AOPEP: variants seen among roughly 807,000 people sequenced by gnomAD.
AOPEP encodes the protein aminopeptidase O (putative).
AOPEP carries 77 observed loss-of-function variants against 98.1 expected under a neutral mutation model. The ratio of observed to expected loss-of-function variants is 0.78; its 90% CI spans 0.65 to 0.95. The LOEUF is 0.95. Ranked by LOEUF, AOPEP falls within the 40% of genes least tolerant of loss-of-function variation. AOPEP has a pLI of 0.00. For missense variants in AOPEP, 1,024 were observed against 1,024.7 expected (o/e 1.00, Z 0.01); for synonymous variants, 346 against 365.3 (o/e 0.95, Z 0.60).
intron 5 of AOPEP, among the ~76,000 whole-genome samples, chr9:94,833,917 A>G (rs2041233705): frequency 6.7e-6 from 1 of 149,958 alleles, no homozygotes; most frequent in South Asian, 2.1e-4. Flanking sequence ...TGCAACTCGT[A>G]AATCATTAAT....
In AOPEP at chr9:95,005,575, C is replaced by T; in HGVS notation, c.2074C>T (p.Arg692Ter). ...TKWIGVNRRP[R>*]KRKRREKEEV... ...ATGGATTGGAGTGAACCGGAGACCCCGAAAACGGAAGCGCAGGGAGAAGGA... is the reference window on the plus strand; with the variant it reads ...ATGGATTGGAGTGAACCGGAGACCCTGAAAACGGAAGCGCAGGGAGAAGGA... The change falls in exon 13 of 17, where the codon CGA becomes TGA. Residue 692 changes from arginine to a stop codon, truncating the protein, a stop_gained. Transcript: ENST00000375315. LOFTEE classifies it high-confidence loss of function. The T allele has an allele frequency of 6.2e-7, 1 of 1,613,902 alleles. No individual in the cohort carries two copies. Among genetic ancestry groups the T allele is most frequent in the Non-Finnish European group, 8.5e-7 (1 of 1,179,914 alleles).
At chr9:94,996,659 C>G (rs2132482688) in intron 11 of AOPEP, among the ~76,000 whole-genome samples, 1 of 152,272 alleles carries the variant, frequency 6.6e-6, no homozygotes, top group African/African-American at 2.4e-5. Flanking sequence ...GGGAAAGTAC[C>G]TAGACATGGT....
intron 4 of AOPEP, among the ~76,000 whole-genome samples, chr9:94,795,011 T>A (rs180959222): frequency 8.5e-5 from 13 of 152,346 alleles, no homozygotes; most frequent in African/African-American, 2.6e-4. Flanking sequence ...AGCCATTAGT[T>A]GTTCCAAGTC....
At position 94,956,006 on chromosome 9, in the gene AOPEP, T is replaced by C. The variant is rs2058427833; in HGVS notation, c.1863T>C (p.Ile621=). 18 of 1,608,426 alleles carry C rather than the reference T, an allele frequency of 1.1e-5. No homozygotes were observed. The highest frequency in any genetic ancestry group is 1.5e-5 in the Non-Finnish European group (18 of 1,175,290). The stretch of plus-strand genomic sequence containing the variant: ...TGCACACATTTCATGGACAGCTGAT[T>C]CTTTCCCAGGTAACTTATGGGTCCT... ...KFVHTFHGQL[I]LSQDFLQMLL... is the part of the protein sequence containing the mutation. The change falls in exon 9 of 17, where the codon ATT becomes ATC. Residue 621 remains isoleucine, a synonymous_variant. Transcript: ENST00000375315.
chr9:95,071,645 G>A (rs1190566102), intron 14 of AOPEP, among the ~76,000 whole-genome samples: 1 of 152,092 alleles, frequency 6.6e-6, no homozygotes, highest in Non-Finnish European at 1.5e-5. Context: ...TTTGGTGGTG[G>A]CACCGCAGCT....
intron 5 of AOPEP, among the ~76,000 whole-genome samples, chr9:94,877,354 G>A (rs1041605879): frequency 6.6e-5 from 10 of 151,712 alleles, no homozygotes; most frequent in African/African-American, 2.2e-4. Context: ...TTTTGGGTTC[G>A]TTTATAGCAT....
chr9:94,997,122 C>T (rs1321255468), intron 11 of AOPEP, among the ~76,000 whole-genome samples: 1 of 152,172 alleles, frequency 6.6e-6, no homozygotes, highest in African/African-American at 2.4e-5. Flanking sequence ...GCTAAGGACC[C>T]AGAACTGTAT....
intron 5 of AOPEP, among the ~76,000 whole-genome samples, chr9:94,849,105 T>A (rs751191405): frequency 5.9e-5 from 9 of 152,234 alleles, no homozygotes; most frequent in Non-Finnish European, 1.3e-4. Context: ...AGAGGCATCC[T>A]GAGTTCAGAA....
chr9:95,118,317 C>T, the AOPEP span, among the ~76,000 whole-genome samples: 1 of 152,262 alleles, frequency 6.6e-6, no homozygotes, highest in Admixed American at 6.5e-5. Flanking sequence ...CTGAGCCTGG[C>T]TCAGCATGGT....
the AOPEP span, chr9:95,101,613 A>G: frequency 1.3e-6 from 2 of 1,491,094 alleles, no homozygotes; most frequent in Non-Finnish European, 1.8e-6. Context: ...GAGGGCACTT[A>G]CTCCACAAAT....
the AOPEP span, among the ~76,000 whole-genome samples, chr9:95,124,338 G>C: frequency 2.0e-5 from 3 of 152,136 alleles, no homozygotes; most frequent in Non-Finnish European, 4.4e-5. Flanking sequence ...GTGGCCGTTA[G>C]AAATCAAGGC....
chr9:95,003,265 TA>T (rs2061687706), intron 11 of AOPEP, among the ~76,000 whole-genome samples: 1 of 152,246 alleles, frequency 6.6e-6, no homozygotes, highest in Non-Finnish European at 1.5e-5. Flanking sequence ...AGCTTTCATA[TA>T]AGTCTGTAAG....
At chr9:94,861,250 C>T (rs552680909) in intron 5 of AOPEP, among the ~76,000 whole-genome samples, 9 of 152,296 alleles carry the variant, frequency 5.9e-5, no homozygotes, top group Admixed American at 3.3e-4. Flanking sequence ...GCAGCAGCTG[C>T]TGTCACCAAA....
At chr9:95,084,074 TTA>T (rs2070266155) in intron 16 of AOPEP, among the ~76,000 whole-genome samples, 1 of 152,232 alleles carries the variant, frequency 6.6e-6, no homozygotes, top group Non-Finnish European at 1.5e-5. Flanking sequence ...CTTCAGTGTT[TTA>T]TATGATATTA....
chr9:94,734,860 G>A (rs1423639850), intron 1 of AOPEP, among the ~76,000 whole-genome samples: 2 of 152,198 alleles, frequency 1.3e-5, no homozygotes, highest in Non-Finnish European at 2.9e-5. Context: ...GCTGTTTCAA[G>A]TTGAAGGACG....
At chr9:95,080,105 G>A (rs967845582) in intron 14 of AOPEP, among the ~76,000 whole-genome samples, 2 of 152,176 alleles carry the variant, frequency 1.3e-5, no homozygotes, top group African/African-American at 2.4e-5. Flanking sequence ...TGAATTTCCC[G>A]TTATGCTTTG....
At chr9:95,023,512 C>T (rs1026297304) in intron 13 of AOPEP, among the ~76,000 whole-genome samples, 2 of 152,180 alleles carry the variant, frequency 1.3e-5, no homozygotes, top group African/African-American at 2.4e-5. Context: ...AGTTTCCAGT[C>T]GGCTCCTCCA....
chr9:95,041,987 C>T (rs116042342), intron 13 of AOPEP, among the ~76,000 whole-genome samples: 7 of 152,108 alleles, frequency 4.6e-5, no homozygotes, highest in African/African-American at 1.7e-4. Context: ...TAAAAGGAAA[C>T]TGATGAATTC....
chr9:94,829,518 G>T (rs1190357980), intron 5 of AOPEP, among the ~76,000 whole-genome samples: 2 of 152,184 alleles, frequency 1.3e-5, no homozygotes, highest in African/African-American at 2.4e-5. Flanking sequence ...CCTTTCTTAA[G>T]TTGGATGTAC....
Sources: allele counts gnomAD v4.1 joint callset (sites outside exome capture counted in the v4.1 genomes callset), GRCh38; gene constraint gnomAD v4.1.1; transcripts MANE v1.5; gene names NCBI Gene and HGNC (gene_info 2026-07-23, HGNC 2026-07-21).